The following FRMD6 variants were observed in gnomAD, a reference collection of about 807,000 sequenced individuals.
FRMD6 encodes the protein FERM domain-containing protein 6.
Under a neutral mutation model 73.2 loss-of-function variants are expected in FRMD6, and 37 were observed. The ratio of observed to expected loss-of-function variants is 0.51; its 90% CI spans 0.39 to 0.66. The LOEUF (loss-of-function observed/expected upper bound fraction) is 0.66. Among genes scored for constraint, FRMD6 ranks in the 30% least tolerant of loss-of-function variants. The pLI is 0.00. For synonymous variants in FRMD6, 273 were observed against 282.2 expected (o/e 0.97, Z 0.33); for missense variants, 714 against 780.5 (o/e 0.91, Z 1.02).
chr14:51,679,509 ATG>A (rs1337874725), intron 1 of FRMD6, among the ~76,000 whole-genome samples: 2 of 149,462 alleles, frequency 1.3e-5, no homozygotes, highest in African/African-American at 4.9e-5. Flanking sequence ...CTTAGGCTTA[ATG>A]TTTGGAAAGA....
the FRMD6 span, among the ~76,000 whole-genome samples, chr14:51,422,695 T>C: frequency 5.6e-3 from 857 of 152,372 alleles, 7 homozygotes; most frequent in African/African-American, 0.02. Context: ...ATTTCAATGA[T>C]GACCTGAAGT....
At chr14:51,697,502 G>C (rs1431833354) in intron 2 of FRMD6, among the ~76,000 whole-genome samples, 2 of 152,082 alleles carry the variant, frequency 1.3e-5, no homozygotes, top group Admixed American at 1.3e-4. Context: ...GAGTTAGGGG[G>C]ACTGGGGAGA....
chr14:51,476,293 A>T, the FRMD6 span, among the ~76,000 whole-genome samples: 1 of 152,112 alleles, frequency 6.6e-6, no homozygotes, highest in Admixed American at 6.5e-5. Context: ...GCTGGGAGGG[A>T]ATGTGGTCTT....
At chr14:51,410,985 A>G in the FRMD6 span, among the ~76,000 whole-genome samples, 1,414 of 152,318 alleles carry the variant, frequency 9.3e-3, 23 homozygotes, top group African/African-American at 0.032. Context: ...CATTTAACAC[A>G]TATTTCTGAC....
chr14:51,692,502 A>C (rs1895672014), intron 2 of FRMD6, among the ~76,000 whole-genome samples: 1 of 152,122 alleles, frequency 6.6e-6, no homozygotes, highest in Non-Finnish European at 1.5e-5. Context: ...GTGTACACAC[A>C]CAAGCAGGTT....
intron 2 of FRMD6, among the ~76,000 whole-genome samples, chr14:51,617,807 T>C (rs1890773189): frequency 6.6e-6 from 1 of 152,200 alleles, no homozygotes; most frequent in Non-Finnish European, 1.5e-5. Flanking sequence ...TTTTCTTCTT[T>C]AAACCTGTTT....
the FRMD6 span, among the ~76,000 whole-genome samples, chr14:51,481,886 G>T: frequency 6.6e-6 from 1 of 152,154 alleles, no homozygotes; most frequent in African/African-American, 2.4e-5. Flanking sequence ...TGCAGAGCAG[G>T]CCCTGTTGTT....
At chr14:51,550,205 C>T (rs537177167) in intron 1 of FRMD6, among the ~76,000 whole-genome samples, 1 of 152,222 alleles carries the variant, frequency 6.6e-6, no homozygotes, top group South Asian at 2.1e-4. Context: ...CTAAATCCAC[C>T]ATTTCTTTTG....
chr14:51,589,431 C>G (rs1343598991), intron 2 of FRMD6, among the ~76,000 whole-genome samples: 2 of 151,432 alleles, frequency 1.3e-5, no homozygotes. Context: ...TGAAACCTTG[C>G]AAGAAACTGC....
chr14:51,502,803 C>T (rs1883697519), intron 1 of FRMD6, among the ~76,000 whole-genome samples: 1 of 152,170 alleles, frequency 6.6e-6, no homozygotes, highest in Admixed American at 6.5e-5. Context: ...TGGCCATATT[C>T]ACAATATTGA....
chr14:51,605,209 G>T (rs1387297490), intron 2 of FRMD6, among the ~76,000 whole-genome samples: 1 of 141,172 alleles, frequency 7.1e-6, no homozygotes, highest in African/African-American at 2.6e-5. Context: ...CAGGGTCATA[G>T]GACAATAGTG....
chr14:51,582,777 C>T (rs1888800480), intron 2 of FRMD6, among the ~76,000 whole-genome samples: 1 of 152,162 alleles, frequency 6.6e-6, no homozygotes, highest in South Asian at 2.1e-4. Context: ...TTCTGGAGCA[C>T]TTCTTAAGGG....
intron 10 of FRMD6, among the ~76,000 whole-genome samples, chr14:51,716,634 A>G (rs1055091227): frequency 2.0e-5 from 3 of 152,172 alleles, no homozygotes; most frequent in Admixed American, 1.3e-4. Flanking sequence ...TTCTTTTGTA[A>G]TTTCGTAGCG....
At chr14:51,433,923 T>C in the FRMD6 span, among the ~76,000 whole-genome samples, 3 of 152,224 alleles carry the variant, frequency 2.0e-5, no homozygotes, top group Non-Finnish European at 4.4e-5. Context: ...GACTACTGTA[T>C]GCAAGTATTA....
intron 2 of FRMD6, among the ~76,000 whole-genome samples, chr14:51,585,939 G>GTGTATATATATATATATATATATATATA: frequency 1.6e-4 from 5 of 31,412 alleles, no homozygotes; most frequent in African/African-American, 3.4e-4. Context: ...GTGTGTGTGT[G>GTGTATATATATATATATATATATATATA]TATATATATA....
At chr14:51,504,590 T>C (rs17124027) in intron 1 of FRMD6, among the ~76,000 whole-genome samples, 3,822 of 152,302 alleles carry the variant, frequency 0.025, 81 homozygotes, top group Admixed American at 0.067. Flanking sequence ...AAATTGCTCC[T>C]TTTCTTTTAA....
the FRMD6 span, among the ~76,000 whole-genome samples, chr14:51,432,333 A>AT: frequency 8.0e-5 from 12 of 150,606 alleles, no homozygotes; most frequent in African/African-American, 1.5e-4. Context: ...TACAAGATTG[A>AT]TTTTTTTTTT....
Position 51,693,507 on chromosome 14 carries a change from T to G in FRMD6, c.99+3572T>G, listed in dbSNP as rs1895743459. ...AATCTAGGGCAAATTTTCTAGTTGT[T>G]TTGTTTTGTTGCTTTGGTTTCCTCA... On this transcript the variant is annotated intron_variant, in intron 2 of 13. Coordinates refer to ENST00000344768, the MANE Select transcript of FRMD6 (RefSeq NM_001267046.2). Among the ~76,000 whole-genome samples the G allele has an allele frequency of 2.6e-5, 4 of 152,248 alleles. No homozygotes were observed. In the East Asian group the frequency reaches 7.7e-4, roughly 29 times the overall value.
chr14:51,658,950 C>G (rs1471195350), intron 1 of FRMD6, among the ~76,000 whole-genome samples: 1 of 152,142 alleles, frequency 6.6e-6, no homozygotes, highest in East Asian at 1.9e-4. Flanking sequence ...CTGCTTATCA[C>G]AGCAAAAATT....
Sources: gnomAD v4.1 joint callset for allele counts (sites outside exome capture counted in the v4.1 genomes callset) on GRCh38, gnomAD v4.1.1 for gene constraint, MANE v1.5 for transcripts, NCBI Gene and HGNC (gene_info 2026-07-23, HGNC 2026-07-21) for gene names.